The following GRM5 variants were observed in gnomAD, a reference collection of about 807,000 sequenced individuals.
The protein encoded by GRM5 is metabotropic glutamate receptor 5.
GRM5 carries 19 observed loss-of-function variants against 83.1 expected under a neutral mutation model. The ratio of observed to expected loss-of-function variants is 0.23; its 90% CI spans 0.16 to 0.34. The LOEUF (loss-of-function observed/expected upper bound fraction) is 0.34. Among genes scored for constraint, GRM5 ranks in the 10% least tolerant of loss-of-function variants. GRM5 has a pLI of 1.00. For synonymous variants in GRM5, 675 were observed against 633.6 expected (o/e 1.07, Z -0.98); for missense variants, 1,160 against 1,588.3 (o/e 0.73, Z 4.58).
At chr11:88,606,809 C>A (rs1938154827) in intron 4 of GRM5, among the ~76,000 whole-genome samples, 1 of 151,390 alleles carries the variant, frequency 6.6e-6, no homozygotes, top group African/African-American at 2.4e-5. Flanking sequence ...TATTTCCAGG[C>A]CTGGTGATTA....
At chr11:88,670,216 T>G (rs1046932090) in intron 3 of GRM5, among the ~76,000 whole-genome samples, 2 of 152,000 alleles carry the variant, frequency 1.3e-5, no homozygotes, top group African/African-American at 4.8e-5. Flanking sequence ...TCTTGATACT[T>G]AATCCACACT....
chr11:89,063,318 T>C (rs1160544700), intron 1 of GRM5, among the ~76,000 whole-genome samples: 1 of 152,184 alleles, frequency 6.6e-6, no homozygotes, highest in Non-Finnish European at 1.5e-5. Flanking sequence ...ATTAAGGCTG[T>C]TCGCAAATGG....
At chr11:88,845,535 G>A (rs1432115172) in intron 3 of GRM5, among the ~76,000 whole-genome samples, 1 of 148,228 alleles carries the variant, frequency 6.7e-6, no homozygotes, top group Admixed American at 6.9e-5. Flanking sequence ...CCGGGTTTGC[G>A]CCATTCTCCT....
intron 2 of GRM5, among the ~76,000 whole-genome samples, chr11:88,918,080 C>T (rs1945624186): frequency 6.6e-6 from 1 of 151,114 alleles, no homozygotes; most frequent in Admixed American, 6.6e-5. Flanking sequence ...ATAAAGGCAG[C>T]AAGAAAAAAA....
intron 8 of GRM5, among the ~76,000 whole-genome samples, chr11:88,554,280 G>A (rs985022243): frequency 1.3e-5 from 2 of 152,026 alleles, no homozygotes; most frequent in Non-Finnish European, 2.9e-5. Context: ...TCCGACTCTG[G>A]CACCCCGCTT....
chr11:88,665,614 C>T (rs1022853996), intron 3 of GRM5, among the ~76,000 whole-genome samples: 2 of 152,080 alleles, frequency 1.3e-5, no homozygotes, highest in Admixed American at 6.6e-5. Context: ...AGAAGTGACA[C>T]AAAATTCAAA....
At position 88,910,732 on chromosome 11, in the gene GRM5, C is replaced by T. The variant is rs1945482220; in HGVS notation, c.662-60577G>A. ...CACTTTTAAGCAAGAACATGATAAA[C>T]CATACATTTAAAATGTATTTCAAGC... On this transcript the variant is annotated intron_variant, in intron 2 of 9. Coordinates refer to ENST00000305447, the MANE Select transcript of GRM5 (RefSeq NM_001143831.3). Among the ~76,000 whole-genome samples, 4 of 152,024 alleles carry T rather than the reference C, an allele frequency of 2.6e-5. No homozygotes were observed. In the South Asian group the frequency reaches 8.3e-4, roughly 32 times the overall value.
Position 88,509,148 on chromosome 11 carries a change from C to T in GRM5, c.3083G>A (p.Arg1028His). Residue 1028 changes from arginine to histidine, a missense_variant, in exon 10 of 10, where the codon CGC (arginine) becomes CAC (histidine). Physicochemically the swap from Arg to His is conservative, Grantham distance 29 (BLOSUM62 0). Coordinates refer to ENST00000305447, the MANE Select transcript of GRM5 (RefSeq NM_001143831.3). Reference sequence around the variant, plus strand: ...GTCCGTGCGGCTGGCCGAGCCCGCGCGGTGGCTCAGCGTGCTGATGGGCGA... The same window carrying T: ...GTCCGTGCGGCTGGCCGAGCCCGCGTGGTGGCTCAGCGTGCTGATGGGCGA... ...SPSPISTLSH[R>H]AGSASRTDDD... is the part of the protein sequence containing the mutation. 1.9e-6 allele frequency: 3 copies of T among 1,539,700 alleles called. No homozygotes were observed. The highest frequency in any genetic ancestry group is 2.5e-5 in the East Asian group (1 of 40,408).
At chr11:88,578,647 C>T (rs546493677) in intron 7 of GRM5, among the ~76,000 whole-genome samples, 13 of 152,112 alleles carry the variant, frequency 8.5e-5, no homozygotes, top group Admixed American at 5.9e-4. Flanking sequence ...TAGTCAGTGG[C>T]GTTTACAAGT....
At chr11:88,581,770 A>T (rs1483948769) in intron 7 of GRM5, among the ~76,000 whole-genome samples, 2 of 152,208 alleles carry the variant, frequency 1.3e-5, no homozygotes, top group African/African-American at 4.8e-5. Context: ...GGCTTTGATG[A>T]AAAAGCGACC....
At position 88,979,768 on chromosome 11, in the gene GRM5, C is replaced by T. The variant is rs183712190; in HGVS notation, c.661+67444G>A. 5.6e-4 allele frequency among the ~76,000 whole-genome samples: 84 copies of T among 149,278 alleles called. 1 individual carries two copies. The highest frequency in any genetic ancestry group is 2.0e-3 in the African/African-American group (78 of 38,782). On this transcript the variant is annotated intron_variant, in intron 2 of 9. Coordinates refer to ENST00000305447, the MANE Select transcript of GRM5 (RefSeq NM_001143831.3). ...GTAGAGAGAGGAGTACTTTATACTC[C>T]TTTCTTTGTGGAAAAAAAAAATCAC...
chr11:88,866,724 T>C (rs1944672378), intron 2 of GRM5, among the ~76,000 whole-genome samples: 2 of 151,242 alleles, frequency 1.3e-5, no homozygotes, highest in South Asian at 4.1e-4. Flanking sequence ...AATTATGCTA[T>C]ACAATCTTGG....
chr11:88,840,809 C>G (rs1028465787), intron 3 of GRM5, among the ~76,000 whole-genome samples: 19 of 152,150 alleles, frequency 1.2e-4, no homozygotes, highest in Non-Finnish European at 2.4e-4. Flanking sequence ...CAAGTAGATA[C>G]TTTCCATGTT....
intron 3 of GRM5, among the ~76,000 whole-genome samples, chr11:88,798,999 A>G (rs1422169906): frequency 6.6e-6 from 1 of 151,986 alleles, no homozygotes; most frequent in African/African-American, 2.4e-5. Context: ...GTTTTCATAA[A>G]TAAATCTCTG....
chr11:88,708,782 T>TATTGGA (rs1419930105), intron 3 of GRM5, among the ~76,000 whole-genome samples: 1 of 152,124 alleles, frequency 6.6e-6, no homozygotes, highest in Non-Finnish European at 1.5e-5. Flanking sequence ...CCTAATTCTA[T>TATTGGA]ATTGGATCAT....
intron 3 of GRM5, among the ~76,000 whole-genome samples, chr11:88,761,629 A>G (rs1369595975): frequency 1.3e-5 from 2 of 152,148 alleles, no homozygotes; most frequent in Non-Finnish European, 2.9e-5. Context: ...CAGACTGTCC[A>G]AAGTAATTTA....
chr11:88,984,414 C>A lies in GRM5; in HGVS notation c.661+62798G>T, dbSNP rs1939628053. Among the ~76,000 whole-genome samples the A allele has an allele frequency of 2.0e-5, 3 of 152,168 alleles. No individual in the cohort carries two copies. The South Asian group carries it at 6.2e-4, about 32-fold the overall frequency. On this transcript the variant is annotated intron_variant, in intron 2 of 9. Coordinates refer to ENST00000305447, the MANE Select transcript of GRM5 (RefSeq NM_001143831.3). ...TGTAGCGTAGGAGCAATAGGCCATA[C>A]CACATAGCACAAGTGTAGCGTAGGC...
At chr11:88,645,463 G>A (rs1939418787) in intron 4 of GRM5, among the ~76,000 whole-genome samples, 1 of 152,092 alleles carries the variant, frequency 6.6e-6, no homozygotes, top group Non-Finnish European at 1.5e-5. Flanking sequence ...ATTTTAAAAT[G>A]AAAGATCACA....
intron 2 of GRM5, among the ~76,000 whole-genome samples, chr11:89,023,640 T>A (rs1480789512): frequency 6.6e-6 from 1 of 150,862 alleles, no homozygotes; most frequent in Non-Finnish European, 1.5e-5. Context: ...GGTCAGGAGT[T>A]CAATACCAGC....
Sources: gnomAD v4.1 joint callset for allele counts (sites outside exome capture counted in the v4.1 genomes callset) on GRCh38, gnomAD v4.1.1 for gene constraint, MANE v1.5 for transcripts, NCBI Gene and HGNC (gene_info 2026-07-23, HGNC 2026-07-21) for gene names.